The following ARHGAP44 variants were observed in gnomAD, a reference collection of about 807,000 sequenced individuals.
ARHGAP44 encodes the protein rho GTPase-activating protein 44.
In ARHGAP44, 43 loss-of-function variants were observed where a neutral mutation model predicts 106.8. The ratio of observed to expected loss-of-function variants is 0.40; its 90% CI spans 0.32 to 0.52. The LOEUF is 0.52. Among genes scored for constraint, ARHGAP44 ranks in the 20% least tolerant of loss-of-function variants. The pLI is 0.48. For missense variants in ARHGAP44, 866 were observed against 1,050.5 expected (o/e 0.82, Z 2.43); for synonymous variants, 439 against 410.3 (o/e 1.07, Z -0.85).
intron 1 of ARHGAP44, among the ~76,000 whole-genome samples, chr17:12,888,551 T>C (rs4791514): frequency 0.2 from 30,085 of 152,096 alleles, 3,734 homozygotes; most frequent in East Asian, 0.44. Context: ...GAAAATAACA[T>C]ATATTCTGCT....
intron 16 of ARHGAP44, among the ~76,000 whole-genome samples, chr17:12,962,623 CAG>C (rs1335358976): frequency 3.9e-5 from 6 of 152,086 alleles, no homozygotes; most frequent in Non-Finnish European, 8.8e-5. Flanking sequence ...GAAGATGGAA[CAG>C]AGAGAAATTT....
chr17:12,879,800 T>TGTAA (rs1246279878), intron 1 of ARHGAP44, among the ~76,000 whole-genome samples: 2 of 151,868 alleles, frequency 1.3e-5, no homozygotes, highest in African/African-American at 4.8e-5. Flanking sequence ...AAAATTTTTG[T>TGTAA]GTAAGTCTTG....
intron 1 of ARHGAP44, among the ~76,000 whole-genome samples, chr17:12,840,772 G>C (rs2035367774): frequency 6.6e-6 from 1 of 152,218 alleles, no homozygotes; most frequent in Admixed American, 6.5e-5. Context: ...AAATTAACCT[G>C]AGACGGCACA....
At chr17:12,794,448 T>C (rs2033858368) in intron 1 of ARHGAP44, among the ~76,000 whole-genome samples, 1 of 152,160 alleles carries the variant, frequency 6.6e-6, no homozygotes, top group South Asian at 2.1e-4. Context: ...AAAAATAATG[T>C]TGGCCTCCTA....
intron 12 of ARHGAP44, among the ~76,000 whole-genome samples, chr17:12,952,245 C>T (rs1213696765): frequency 6.6e-6 from 1 of 152,196 alleles, no homozygotes; most frequent in Non-Finnish European, 1.5e-5. Context: ...CACACCAGAG[C>T]AGGTCTCTGG....
chr17:12,899,616 G>T (rs955225858), intron 3 of ARHGAP44, among the ~76,000 whole-genome samples: 6 of 151,996 alleles, frequency 3.9e-5, no homozygotes, highest in Non-Finnish European at 7.4e-5. Context: ...GGGAAGGTGG[G>T]GTGGGAGGGA....
Position 12,902,541 on chromosome 17 carries a change from C to CT in ARHGAP44, c.198+6031dup, listed in dbSNP as rs368788831. Among the ~76,000 whole-genome samples, 247 of 152,226 alleles carry CT rather than the reference C, an allele frequency of 1.6e-3. 1 individual carries two copies. The highest frequency in any genetic ancestry group is 5.6e-3 in the African/African-American group (234 of 41,528). On this transcript the variant is annotated intron_variant, in intron 3 of 20. Coordinates refer to ENST00000379672, the MANE Select transcript of ARHGAP44 (RefSeq NM_014859.6). ...TCCCCATAAGCTCCGTTCTCCGTGC[C>CT]TAAAAAAGAGCCTGCCCCAGCAGGG... is the stretch of plus-strand genomic sequence containing the variant.
chr17:12,904,163 G>T (rs927877657), intron 3 of ARHGAP44, among the ~76,000 whole-genome samples: 5 of 152,202 alleles, frequency 3.3e-5, no homozygotes, highest in Non-Finnish European at 5.9e-5. Context: ...CTGGAGTGCA[G>T]TGGTGCCATC....
At chr17:12,819,300 T>A (rs181590837) in intron 1 of ARHGAP44, among the ~76,000 whole-genome samples, 9 of 152,250 alleles carry the variant, frequency 5.9e-5, no homozygotes, top group African/African-American at 2.2e-4. Flanking sequence ...AAGTATTTTG[T>A]TGCTCAAATA....
intron 1 of ARHGAP44, among the ~76,000 whole-genome samples, chr17:12,806,335 A>G (rs1016558625): frequency 6.6e-6 from 1 of 152,154 alleles, no homozygotes; most frequent in Non-Finnish European, 1.5e-5. Flanking sequence ...GCCAAGGGAT[A>G]TAGAGTATGT....
chr17:12,854,942 G>A (rs2035863140), intron 1 of ARHGAP44, among the ~76,000 whole-genome samples: 1 of 109,066 alleles, frequency 9.2e-6, no homozygotes, highest in Non-Finnish European at 1.7e-5. Context: ...TGGGCAACAA[G>A]AGCAAAACTC....
At chr17:12,938,481 C>T (rs980377317) in intron 7 of ARHGAP44, among the ~76,000 whole-genome samples, 1 of 149,638 alleles carries the variant, frequency 6.7e-6, no homozygotes, top group African/African-American at 2.5e-5. Flanking sequence ...GAAGAAAATC[C>T]AAATACAATG....
At chr17:12,874,735 A>G (rs1035732721) in intron 1 of ARHGAP44, among the ~76,000 whole-genome samples, 1 of 150,830 alleles carries the variant, frequency 6.6e-6, no homozygotes, top group Non-Finnish European at 1.5e-5. Context: ...TCTGTCTTAA[A>G]AAAAAAAAAG....
chr17:12,885,776 G>A (rs2036864930), intron 1 of ARHGAP44, among the ~76,000 whole-genome samples: 1 of 152,012 alleles, frequency 6.6e-6, no homozygotes, highest in African/African-American at 2.4e-5. Flanking sequence ...ATATATGTGA[G>A]TTACAAATAA....
At chr17:12,977,124 G>A (rs1170452450) in intron 18 of ARHGAP44, among the ~76,000 whole-genome samples, 8 of 152,022 alleles carry the variant, frequency 5.3e-5, no homozygotes. Flanking sequence ...CTCTGGTTTC[G>A]ATTATTTTAA....
chr17:12,984,750 C>G lies in ARHGAP44; in HGVS notation c.2159C>G (p.Thr720Arg). Residue 720 changes from threonine (T) to arginine (R), a missense_variant, in exon 20 of 21, where the codon ACA (threonine) becomes AGA (arginine). By Grantham distance (71) the Thr-to-Arg change is moderately conservative (BLOSUM62 -1). Coordinates refer to ENST00000379672, the MANE Select transcript of ARHGAP44 (RefSeq NM_014859.6). ...APPLASPSVF[T>R]STLSKSRPTP... ...CCCCTGGCCTCTCCTTCTGTCTTTA[C>G]AAGCACTTTGAGCAAATCGCGGCCC... 6 of 1,613,950 alleles carry G rather than the reference C, an allele frequency of 3.7e-6. No homozygotes were observed. Among genetic ancestry groups the G allele is most frequent in the Non-Finnish European group, 5.1e-6 (6 of 1,179,884 alleles).
At chr17:12,897,261 ATTTT>A (rs10648314) in intron 3 of ARHGAP44, among the ~76,000 whole-genome samples, 11 of 149,844 alleles carry the variant, frequency 7.3e-5, no homozygotes, top group Admixed American at 7.3e-4. Flanking sequence ...TCATTTAGAC[ATTTT>A]TTTTTTGACT....
Position 12,916,138 on chromosome 17 carries a change from G to C in ARHGAP44, c.387+127G>C, listed in dbSNP as rs867729842. 41 of 761,324 alleles carry C rather than the reference G, an allele frequency of 5.4e-5. No individual in the cohort carries two copies. The Middle Eastern group carries it at 1.9e-3, about 35-fold the overall frequency. 47.2% of individuals were successfully genotyped at this position (761,324 alleles called of 1,614,324 possible). A position where few individuals can be genotyped will look rare whatever the true frequency, so the allele number is the denominator to read the frequency against. On this transcript the variant is annotated intron_variant, in intron 5 of 20. Coordinates refer to ENST00000379672, the MANE Select transcript of ARHGAP44 (RefSeq NM_014859.6). ...TTCTCCCCAACATTGTTTTTCATCAGGGATTCTTACCTAACCACATGGTCA... is the reference window on the plus strand; with the variant it reads ...TTCTCCCCAACATTGTTTTTCATCACGGATTCTTACCTAACCACATGGTCA...
chr17:12,821,189 G>C (rs1447302906), intron 1 of ARHGAP44, among the ~76,000 whole-genome samples: 1 of 152,174 alleles, frequency 6.6e-6, no homozygotes. Context: ...AAACAGGACA[G>C]TTGTGCAACT....
Sources: allele counts gnomAD v4.1 joint callset (sites outside exome capture counted in the v4.1 genomes callset), GRCh38; gene constraint gnomAD v4.1.1; transcripts MANE v1.5; gene names NCBI Gene and HGNC (gene_info 2026-07-23, HGNC 2026-07-21).